The following ZCCHC7 variants were observed in gnomAD, a reference collection of about 807,000 sequenced individuals.
The protein encoded by ZCCHC7 is zinc finger CCHC-type containing 7.
Under a neutral mutation model 52.0 loss-of-function variants are expected in ZCCHC7, and 35 were observed. The ratio of observed to expected loss-of-function variants is 0.67; its 90% CI spans 0.51 to 0.89. ZCCHC7 has a LOEUF of 0.89. Ranked by LOEUF, ZCCHC7 falls within the 40% of genes least tolerant of loss-of-function variation. The probability of loss-of-function intolerance (pLI) is 0.00; values close to 1 mark genes in which losing one functional copy is unlikely to be tolerated. For synonymous variants in ZCCHC7, 217 were observed against 221.5 expected, an observed-to-expected ratio of 0.98 and a Z score of 0.18; for missense variants, 574 against 649.1, an observed-to-expected ratio of 0.88 and a Z score of 1.26.
intron 2 of ZCCHC7, among the ~76,000 whole-genome samples, chr9:37,176,604 A>C (rs1401192726): frequency 6.6e-6 from 1 of 151,834 alleles, no homozygotes; most frequent in Non-Finnish European, 1.5e-5. Context: ...GGAAGCATAC[A>C]TCATATATTA....
chr9:37,238,872 A>G (rs988677212), intron 2 of ZCCHC7, among the ~76,000 whole-genome samples: 1 of 152,208 alleles, frequency 6.6e-6, no homozygotes, highest in Non-Finnish European at 1.5e-5. Flanking sequence ...CTGGAAAAGC[A>G]GCTTTTTATA....
chr9:37,135,769 A>C (rs891942976), intron 2 of ZCCHC7, among the ~76,000 whole-genome samples: 1 of 152,224 alleles, frequency 6.6e-6, no homozygotes, highest in African/African-American at 2.4e-5. Context: ...AAACTGAAGT[A>C]AAATTATGGC....
chr9:37,271,168 T>C (rs902067547), intron 2 of ZCCHC7, among the ~76,000 whole-genome samples: 3 of 152,198 alleles, frequency 2.0e-5, no homozygotes, highest in Admixed American at 2.0e-4. Context: ...AGTGCTTACC[T>C]AGAAGTATTC....
At chr9:37,170,463 TG>T (rs1401770030) in intron 2 of ZCCHC7, among the ~76,000 whole-genome samples, 1 of 152,210 alleles carries the variant, frequency 6.6e-6, no homozygotes, top group Non-Finnish European at 1.5e-5. Context: ...TGAGAGCTTT[TG>T]GACTTAGGAA....
intron 4 of ZCCHC7, among the ~76,000 whole-genome samples, chr9:37,305,295 A>G (rs756068131): frequency 7.9e-5 from 12 of 152,120 alleles, no homozygotes; most frequent in Admixed American, 7.2e-4. Context: ...CATTTTGTCA[A>G]TATTCCTATA....
intron 2 of ZCCHC7, among the ~76,000 whole-genome samples, chr9:37,160,420 C>T (rs1246029275): frequency 6.6e-6 from 1 of 151,848 alleles, no homozygotes; most frequent in Non-Finnish European, 1.5e-5. Context: ...GAGGCTGAGG[C>T]AGGAGAGTCA....
At chr9:37,274,331 C>CTTTTTTT (rs10653910) in intron 2 of ZCCHC7, among the ~76,000 whole-genome samples, 11 of 76,682 alleles carry the variant, frequency 1.4e-4, no homozygotes, top group African/African-American at 3.3e-4. Context: ...TATCTAATTT[C>CTTTTTTT]TTTTTTTTTT....
At chr9:37,280,053 A>G (rs926292256) in intron 2 of ZCCHC7, among the ~76,000 whole-genome samples, 2 of 152,116 alleles carry the variant, frequency 1.3e-5, no homozygotes, top group Non-Finnish European at 2.9e-5. Flanking sequence ...AGGCAGGAGA[A>G]TGGCGCGAAC....
intron 2 of ZCCHC7, among the ~76,000 whole-genome samples, chr9:37,133,217 A>G (rs143325776): frequency 9.5e-4 from 145 of 152,322 alleles, no homozygotes; most frequent in African/African-American, 3.4e-3. Flanking sequence ...AAAAGCCTTC[A>G]TGGCTGTGAG....
At chr9:37,135,309 AT>A (rs1217861590) in intron 2 of ZCCHC7, among the ~76,000 whole-genome samples, 1 of 152,198 alleles carries the variant, frequency 6.6e-6, no homozygotes, top group Non-Finnish European at 1.5e-5. Flanking sequence ...CAAATAAATA[AT>A]TGTCTAATTC....
intron 2 of ZCCHC7, among the ~76,000 whole-genome samples, chr9:37,181,431 C>T (rs1822347774): frequency 6.6e-6 from 1 of 152,170 alleles, no homozygotes; most frequent in African/African-American, 2.4e-5. Flanking sequence ...ACATTTATAG[C>T]AGCATTATTC....
chr9:37,269,634 A>AAC (rs1564214493), intron 2 of ZCCHC7, among the ~76,000 whole-genome samples: 2 of 149,644 alleles, frequency 1.3e-5, no homozygotes, highest in African/African-American at 4.9e-5. Context: ...AAAAAAAAAA[A>AAC]AAAAAAAAAA....
At chr9:37,273,391 T>C in intron 2 of ZCCHC7, among the ~76,000 whole-genome samples, 1 of 152,128 alleles carries the variant, frequency 6.6e-6, no homozygotes, top group East Asian at 1.9e-4. Flanking sequence ...TAGTCCCAGC[T>C]ACTCAGGAGG....
At chr9:37,173,052 G>C (rs1935978140) in intron 2 of ZCCHC7, among the ~76,000 whole-genome samples, 1 of 151,636 alleles carries the variant, frequency 6.6e-6, no homozygotes, top group Non-Finnish European at 1.5e-5. Flanking sequence ...AGGGACTCGA[G>C]TGAGCAACGT....
intron 6 of ZCCHC7, among the ~76,000 whole-genome samples, chr9:37,348,701 G>A (rs189553873): frequency 1.3e-5 from 2 of 152,118 alleles, no homozygotes; most frequent in African/African-American, 2.4e-5. Context: ...TCCTAACTTC[G>A]ACACTTAAAA....
At chr9:37,295,730 A>G (rs1050845594) in intron 2 of ZCCHC7, among the ~76,000 whole-genome samples, 1 of 152,196 alleles carries the variant, frequency 6.6e-6, no homozygotes, top group Non-Finnish European at 1.5e-5. Flanking sequence ...TTTAAGGAAG[A>G]GAAAATAATT....
chr9:37,294,872 T>G (rs1828711189), intron 2 of ZCCHC7, among the ~76,000 whole-genome samples: 1 of 152,094 alleles, frequency 6.6e-6, no homozygotes, highest in Non-Finnish European at 1.5e-5. Context: ...AATACAGAGT[T>G]TAAAAGTGCC....
chr9:37,258,594 A>G (rs561981837), intron 2 of ZCCHC7, among the ~76,000 whole-genome samples: 3 of 151,912 alleles, frequency 2.0e-5, no homozygotes, highest in Non-Finnish European at 4.4e-5. Flanking sequence ...CAGCTCTACA[A>G]AAAATACAAA....
intron 2 of ZCCHC7, among the ~76,000 whole-genome samples, chr9:37,254,083 T>C (rs999913993): frequency 6.6e-6 from 1 of 152,112 alleles, no homozygotes; most frequent in Non-Finnish European, 1.5e-5. Context: ...AACCCATTAA[T>C]GATGGTGTGA....
Sources: allele counts gnomAD v4.1 joint callset (sites outside exome capture counted in the v4.1 genomes callset), GRCh38; gene constraint gnomAD v4.1.1; transcripts MANE v1.5; gene names NCBI Gene and HGNC (gene_info 2026-07-23, HGNC 2026-07-21).